The following RALYL variants were observed in gnomAD, a reference collection of about 807,000 sequenced individuals.
RALYL encodes RALY RNA binding protein like.
In RALYL, 29 loss-of-function variants were observed where a neutral mutation model predicts 35.1. That is an observed-to-expected ratio of 0.83 (90% confidence interval 0.61 to 1.13). The LOEUF (loss-of-function observed/expected upper bound fraction) is 1.13. Among genes scored for constraint, RALYL ranks in the 50% most tolerant of loss-of-function variants. The pLI is 0.00. For missense variants in RALYL, 359 were observed against 360.4 expected (o/e 1.00, Z 0.03); for synonymous variants, 120 against 127.6 (o/e 0.94, Z 0.40).
chr8:84,793,943 T>A (rs556887602), intron 3 of RALYL, among the ~76,000 whole-genome samples: 1 of 152,300 alleles, frequency 6.6e-6, no homozygotes, highest in African/African-American at 2.4e-5. Context: ...GAGTTGTAGT[T>A]CACCAAGTCT....
At chr8:84,850,624 GTATAC>G (rs1835651123) in intron 5 of RALYL, among the ~76,000 whole-genome samples, 3 of 152,282 alleles carry the variant, frequency 2.0e-5, no homozygotes, top group Admixed American at 1.3e-4. Context: ...TTGTTATTTA[GTATAC>G]TATAATTTAA....
intron 1 of RALYL, among the ~76,000 whole-genome samples, chr8:84,525,003 G>A (rs183578121): frequency 2.8e-4 from 25 of 89,250 alleles, no homozygotes; most frequent in Admixed American, 1.6e-3. Flanking sequence ...TTAGCCTTTC[G>A]GGGTAGAGCA....
chr8:84,235,872 T>C (rs1239635509), intron 1 of RALYL, among the ~76,000 whole-genome samples: 1 of 150,866 alleles, frequency 6.6e-6, no homozygotes, highest in Non-Finnish European at 1.5e-5. Context: ...GTTCAAGCGA[T>C]TCTCCTGCCT....
In RALYL at chr8:84,398,984, A is replaced by G. The variant is rs989384585; in HGVS notation, c.-23-130315A>G. ...GTGAGACTCTGTCTCAAAAAAAAAA[A>G]AAAAAAAAGAACTATGCAAAGAAAT... On this transcript the variant is annotated intron_variant, in intron 1 of 8. Transcript: ENST00000521268. Among the ~76,000 whole-genome samples, 27 of 151,712 alleles carry G rather than the reference A, an allele frequency of 1.8e-4. No homozygotes were observed. The East Asian group carries it at 4.6e-3, about 26-fold the overall frequency.
intron 7 of RALYL, among the ~76,000 whole-genome samples, chr8:84,876,799 A>T (rs1841239538): frequency 6.6e-6 from 1 of 152,204 alleles, no homozygotes. Flanking sequence ...AGAGGTTACA[A>T]GCAGGAGTCC....
At chr8:84,641,121 T>G (rs28838665) in intron 2 of RALYL, among the ~76,000 whole-genome samples, 13,594 of 151,366 alleles carry the variant, frequency 0.09, 1,540 homozygotes, top group African/African-American at 0.27. Flanking sequence ...ATAAAATTAT[T>G]ATCTTTTCTT....
At chr8:84,261,128 T>G (rs542039214) in intron 1 of RALYL, among the ~76,000 whole-genome samples, 1 of 151,864 alleles carries the variant, frequency 6.6e-6, no homozygotes, top group Non-Finnish European at 1.5e-5. Context: ...TATAATTTAC[T>G]CTTTGATTAA....
At chr8:84,645,028 G>A (rs1827188200) in intron 2 of RALYL, among the ~76,000 whole-genome samples, 1 of 151,980 alleles carries the variant, frequency 6.6e-6, no homozygotes, top group Non-Finnish European at 1.5e-5. Flanking sequence ...AGGATTACAG[G>A]CATAAGCCAC....
intron 1 of RALYL, among the ~76,000 whole-genome samples, chr8:84,343,208 T>A (rs920275022): frequency 3.9e-5 from 6 of 152,152 alleles, no homozygotes; most frequent in African/African-American, 1.4e-4. Context: ...AGGTTTATAC[T>A]ATTAATGAGT....
At chr8:84,501,201 T>A (rs942104102) in intron 1 of RALYL, among the ~76,000 whole-genome samples, 1 of 152,162 alleles carries the variant, frequency 6.6e-6, no homozygotes. Context: ...AAATGTTAAT[T>A]TTCTGAAACT....
intron 2 of RALYL, among the ~76,000 whole-genome samples, chr8:84,564,887 T>C (rs1266947338): frequency 6.6e-6 from 1 of 151,648 alleles, no homozygotes; most frequent in Non-Finnish European, 1.5e-5. Context: ...TAAAATAAGT[T>C]CATAAAAAGC....
chr8:84,872,543 T>A (rs1358320450), intron 6 of RALYL: 3 of 152,208 alleles, frequency 2.0e-5, no homozygotes. Context: ...GTTTTTAACA[T>A]CCATACTTGG....
chr8:84,221,174 C>T (rs913690152), intron 1 of RALYL, among the ~76,000 whole-genome samples: 1 of 151,952 alleles, frequency 6.6e-6, no homozygotes, highest in South Asian at 2.1e-4. Context: ...TATTACTTTG[C>T]ATATTACAGT....
At chr8:84,754,056 T>A (rs902176524) in intron 2 of RALYL, among the ~76,000 whole-genome samples, 2 of 151,966 alleles carry the variant, frequency 1.3e-5, no homozygotes, top group African/African-American at 2.4e-5. Flanking sequence ...GTCAGATGAG[T>A]AGGTTGCGAA....
intron 8 of RALYL, among the ~76,000 whole-genome samples, chr8:84,896,756 A>G (rs2135517474): frequency 6.6e-6 from 1 of 152,326 alleles, no homozygotes. Context: ...AAATGTTTGA[A>G]GTTTATTCCA....
At chr8:84,809,624 G>A (rs189334416) in intron 4 of RALYL, among the ~76,000 whole-genome samples, 104 of 152,012 alleles carry the variant, frequency 6.8e-4, no homozygotes, top group Non-Finnish European at 1.4e-3. Flanking sequence ...ACATTTTTTT[G>A]TTGGTAATTT....
At chr8:84,833,243 CATACT>C (rs1445007583) in intron 4 of RALYL, among the ~76,000 whole-genome samples, 1 of 152,180 alleles carries the variant, frequency 6.6e-6, no homozygotes, top group Non-Finnish European at 1.5e-5. Context: ...TGCACTGACA[CATACT>C]AAACTAAATA....
chr8:84,916,492 A>G (rs1563863587), intron 8 of RALYL, among the ~76,000 whole-genome samples: 1 of 151,948 alleles, frequency 6.6e-6, no homozygotes, highest in South Asian at 2.1e-4. Flanking sequence ...TTGTGATGGT[A>G]CATAAGTCTC....
In RALYL at chr8:84,367,330, T is replaced by TTTTTTG. The variant is rs1563800066; in HGVS notation, c.-23-161964_-23-161963insGTTTTT. Among the ~76,000 whole-genome samples the TTTTTTG allele has an allele frequency of 2.6e-3, 66 of 24,978 alleles. 3 individuals carry two copies. Among genetic ancestry groups the TTTTTTG allele is most frequent in the Non-Finnish European group, 3.7e-3 (55 of 14,800 alleles). The allele number at this position is 24,978 out of a possible 152,430, so 16.4% of individuals were successfully genotyped here. A position where few individuals can be genotyped will look rare whatever the true frequency, so the allele number is the denominator to read the frequency against. ...AACTAATTTTTGTATTTTTTTTTTT[T>TTTTTTG]TTTTTTTTTTTTTTTTTTTTTTTTT... is the stretch of plus-strand genomic sequence containing the variant. On this transcript the variant is annotated intron_variant, in intron 1 of 8. Transcript: ENST00000521268.
Sources: allele counts gnomAD v4.1 joint callset (sites outside exome capture counted in the v4.1 genomes callset), GRCh38; gene constraint gnomAD v4.1.1; transcripts MANE v1.5; gene names NCBI Gene and HGNC (gene_info 2026-07-23, HGNC 2026-07-21).